ENTR1: variants seen among roughly 807,000 people sequenced by gnomAD.
The protein encoded by ENTR1 is endosome-associated-trafficking regulator 1.
A neutral mutation model predicts 47.9 loss-of-function variants in ENTR1; 47 were observed. The observed-to-expected ratio is 0.98, with a 90% CI of 0.78 to 1.25. The LOEUF (loss-of-function observed/expected upper bound fraction) is 1.25. Among genes scored for constraint, ENTR1 ranks in the 50% most tolerant of loss-of-function variants. ENTR1 has a pLI of 0.00. For synonymous variants in ENTR1, 290 were observed against 245.8 expected, an observed-to-expected ratio of 1.18 and a Z score of -1.68; for missense variants, 668 against 570.5, an observed-to-expected ratio of 1.17 and a Z score of -1.74.
chr9:136,405,999 T>C (rs1834745977), intron 5 of ENTR1, 21 bp from the exon 6 acceptor site: 2 of 1,583,680 alleles, frequency 1.3e-6, no homozygotes, highest in Non-Finnish European at 1.7e-6. Flanking sequence ...AGAACATCCT[T>C]ATTAGAAAGT....
rs374574914 is a variant in ENTR1 at position 136,407,868 on chromosome 9, G to A, written c.360C>T (p.Leu120=). 29 of 1,613,364 alleles carry A rather than the reference G, an allele frequency of 1.8e-5. No homozygotes were observed. The African/African-American group carries it at 2.0e-4, about 11-fold the overall frequency. ...TGGCCGGATCCTCTTTCGAGAGGCC[G>A]AGGTTCTTGGTCTTCAGAAACTCTC... ...SFREFLKTKN[L]GLSKEDPASR... The change falls in exon 4 of 10, where the codon CTC becomes CTT. Residue 120 remains leucine (L), a synonymous_variant. Transcript: ENST00000357365.
chr9:136,406,115 G>A (rs978039040), intron 5 of ENTR1, 137 bp from the exon 6 acceptor site: 1 of 520,464 alleles, frequency 1.9e-6, no homozygotes, highest in Non-Finnish European at 3.3e-6. Flanking sequence ...AGCCACTACA[G>A]AGGGAGACCA....
chr9:136,409,357 A>AT (rs1304223876), intron 2 of ENTR1, among the ~76,000 whole-genome samples: 1 of 151,514 alleles, frequency 6.6e-6, no homozygotes, highest in Non-Finnish European at 1.5e-5. Flanking sequence ...ATTTTTTTGT[A>AT]TTTTTTGTAG....
In ENTR1 at chr9:136,407,563, TAAAAAAAAA is replaced by T; in HGVS notation, c.403-11_403-3del. On this transcript the variant is annotated splice_polypyrimidine_tract_variant and splice_region_variant and intron_variant, in intron 4 of 9. Coordinates refer to ENST00000357365, the MANE Select transcript of ENTR1 (RefSeq NM_001039707.2). ...TCCCAGGGAATGCCTCGAGGCTTCC[TAAAAAAAAA>T]AAAAAAAAAAAAACAATGGAGGCCA... The T allele has an allele frequency of 1.5e-6, 2 of 1,319,396 alleles. No homozygotes were observed. The highest frequency in any genetic ancestry group is 1.8e-5 in the African/African-American group (1 of 54,306). 81.7% of individuals were successfully genotyped at this position (1,319,396 alleles called of 1,614,324 possible).
intron 2 of ENTR1, 116 bp from the exon 3 acceptor site, chr9:136,409,183 C>CTTTT: frequency 7.1e-6 from 4 of 562,580 alleles, no homozygotes; most frequent in East Asian, 3.7e-5. Context: ...GTCTAGAGAA[C>CTTTT]TTTTTTTTTT....
In ENTR1 at chr9:136,405,081, A is replaced by G. The variant is rs372652609; in HGVS notation, c.1005+10T>C. The G allele has an allele frequency of 7.5e-6, 12 of 1,608,318 alleles. No individual in the cohort carries two copies. The highest frequency in any genetic ancestry group is 1.0e-5 in the Non-Finnish European group (12 of 1,175,616). Reference sequence around the variant, plus strand: ...ACCCAGCTCGTCCGATTCAGAGAAGAAACCCATACGGTCATCAGCTCCAGG... The same window carrying G: ...ACCCAGCTCGTCCGATTCAGAGAAGGAACCCATACGGTCATCAGCTCCAGG... On this transcript the variant is annotated intron_variant, in intron 7 of 9. Transcript: ENST00000357365.
At chr9:136,405,301 G>T in intron 6 of ENTR1, 99 bp from the exon 7 acceptor site, 1 of 916,844 alleles carries the variant, frequency 1.1e-6, no homozygotes, top group Non-Finnish European at 1.7e-6. Flanking sequence ...CTAAGAGCCT[G>T]TGATGGAATG....
chr9:136,408,344 C>T (rs556687296), intron 3 of ENTR1, among the ~76,000 whole-genome samples: 6 of 152,212 alleles, frequency 3.9e-5, no homozygotes, highest in South Asian at 2.1e-4. Flanking sequence ...TGTGGGAGGT[C>T]AAGGCGGGCG....
At chr9:136,409,495 TAA>T (rs560465636) in intron 2 of ENTR1, among the ~76,000 whole-genome samples, 1 of 151,844 alleles carries the variant, frequency 6.6e-6, no homozygotes, top group East Asian at 1.9e-4. Context: ...GAGAAAACTT[TAA>T]AAAAAACACA....
At chr9:136,404,766 A>G in intron 7 of ENTR1, 73 bp from the exon 8 acceptor site, 1 of 1,532,234 alleles carries the variant, frequency 6.5e-7, no homozygotes, top group Non-Finnish European at 9.0e-7. Context: ...ACGGGCCCCA[A>G]CCCAGGGAGC....
chr9:136,408,946 C>G (rs1055370781), intron 3 of ENTR1, 53 bp downstream of exon 3: 45 of 1,454,586 alleles, frequency 3.1e-5, no homozygotes, highest in Non-Finnish European at 4.3e-5. Flanking sequence ...CAGACACGTG[C>G]CTGGCACTGT....
rs750626467 is a variant in ENTR1, at chr9:136,410,365, G to C, written c.33C>G (p.Thr11=). The C allele has an allele frequency of 2.8e-4, 414 of 1,473,234 alleles. 6 individuals are homozygous for C. In the South Asian group the frequency reaches 4.6e-3, roughly 16 times the overall value. 91.3% of individuals were successfully genotyped at this position (1,473,234 alleles called of 1,614,324 possible). ...CGAGGCTCCGGGCTCGGGACAGCGG[G>C]GTGGCGCCCGGGCGGCGCTGGTAGC... The part of the protein sequence containing the change: MSGYQRRPGA[T]PLSRARSLAI... Residue 11 remains threonine (T), a synonymous_variant, in exon 1 of 10, where the codon ACC becomes ACG. Coordinates refer to ENST00000357365, the MANE Select transcript of ENTR1 (RefSeq NM_001039707.2).
At position 136,404,103 on chromosome 9, in the gene ENTR1, G is replaced by C; in HGVS notation, c.1160C>G (p.Ala387Gly). ...CATGACCACCCGGAGGTTCTGCAGG[G>C]CCACGTCGGCGTTCTGCTTCACCAC... ...LTVVKQNADV[A>G]LQNLRVVMNS... Residue 387 changes from alanine (A) to glycine (G), a missense_variant, in exon 9 of 10, where the codon GCC becomes GGC. Transcript: ENST00000357365. The C allele has an allele frequency of 1.9e-6, 3 of 1,613,358 alleles. No homozygotes were observed. The highest frequency in any genetic ancestry group is 2.5e-6 in the Non-Finnish European group (3 of 1,179,808).
intron 5 of ENTR1, 79 bp downstream of exon 5, chr9:136,407,066 G>A (rs1257758428): frequency 7.1e-7 from 1 of 1,409,504 alleles, no homozygotes; most frequent in Non-Finnish European, 9.6e-7. Flanking sequence ...CACCCAAGAG[G>A]TAGGATGGCT....
rs1834637489 is a variant in ENTR1, at chr9:136,404,044, C to T, written c.1208+11G>A. On this transcript the variant is annotated intron_variant, in intron 9 of 9. Coordinates refer to ENST00000357365, the MANE Select transcript of ENTR1 (RefSeq NM_001039707.2). ...CCCCGCCAGGCTTCCCGGTGCCTCC[C>T]AGGCACTCACTTGATGGAAGCCTGT... 1.3e-6 allele frequency: 2 copies of T among 1,571,470 alleles called. No individual in the cohort carries two copies. Among genetic ancestry groups the T allele is most frequent in the Admixed American group, 1.8e-5 (1 of 55,526 alleles).
chr9:136,407,130 G>A lies in ENTR1; in HGVS notation c.819+15C>T, dbSNP rs752106171. 2.5e-6 allele frequency: 4 copies of A among 1,573,934 alleles called. No homozygotes were observed. The highest frequency in any genetic ancestry group is 1.3e-5 in the African/African-American group (1 of 74,236). On this transcript the variant is annotated intron_variant, in intron 5 of 9. Coordinates refer to ENST00000357365, the MANE Select transcript of ENTR1 (RefSeq NM_001039707.2). ...GACAGGCGCTGTGCCAGAGGGCGCC[G>A]TGAGGCTCACTTACTGCGTCGTAAC...
rs1834641207 is a variant in ENTR1 at position 136,404,091 on chromosome 9, A to G, written c.1172T>C (p.Leu391Pro). The G allele has an allele frequency of 1.2e-6, 2 of 1,613,036 alleles. No individual in the cohort carries two copies. Among genetic ancestry groups the G allele is most frequent in the Admixed American group, 1.7e-5 (1 of 59,962 alleles). The change falls in exon 9 of 10, where the codon CTC (leucine) becomes CCC (proline). Residue 391 changes from leucine (L) to proline (P), a missense_variant. Transcript: ENST00000357365. ...KQNADVALQN[L>P]RVVMNSAQAS... ...CTGTGCACTGTTCATGACCACCCGG[A>G]GGTTCTGCAGGGCCACGTCGGCGTT...
intron 3 of ENTR1, among the ~76,000 whole-genome samples, chr9:136,408,386 G>A (rs1588794459): frequency 6.6e-6 from 1 of 152,028 alleles, no homozygotes; most frequent in South Asian, 2.1e-4. Context: ...AGACCATCCT[G>A]GCTAACACGG....
At position 136,407,279 on chromosome 9, in the gene ENTR1, A is replaced by G; in HGVS notation, c.685T>C (p.Ser229Pro). ...GAATCAGTGTCACTCAACGCCCACG[A>G]GGGCAGAGACTCAGGCCCTGCCAGC... The part of the protein sequence containing the change: ...SELAGPESLP[S>P]WALSDTDSRV... Residue 229 changes from serine (S) to proline (P), a missense_variant, in exon 5 of 10, where the codon TCG (serine) becomes CCG (proline). Ser to Pro is a moderately conservative substitution (Grantham distance 74). Transcript: ENST00000357365. 1 of 1,612,842 alleles carries G rather than the reference A, an allele frequency of 6.2e-7. No individual in the cohort carries two copies. Among genetic ancestry groups the G allele is most frequent in the Non-Finnish European group, 8.5e-7 (1 of 1,179,946 alleles).
Sources: allele counts gnomAD v4.1 joint callset (sites outside exome capture counted in the v4.1 genomes callset), GRCh38; gene constraint gnomAD v4.1.1; transcripts MANE v1.5; gene names NCBI Gene and HGNC (gene_info 2026-07-23, HGNC 2026-07-21).